PCDH15: variants seen among roughly 807,000 people sequenced by gnomAD.
PCDH15 encodes the protein protocadherin related 15.
In PCDH15, 129 loss-of-function variants were observed where a neutral mutation model predicts 178.5. The ratio of observed to expected loss-of-function variants is 0.72; its 90% CI spans 0.63 to 0.84. PCDH15 has a LOEUF of 0.84. PCDH15 is among the 40% of genes least tolerant of loss of function. The pLI is 0.00. For synonymous variants in PCDH15, 800 were observed against 732.0 expected, an observed-to-expected ratio of 1.09 and a Z score of -1.50; for missense variants, 2,230 against 2,099.9, an observed-to-expected ratio of 1.06 and a Z score of -1.21.
At chr10:54,504,049 C>G (rs1278577706) in intron 3 of PCDH15, among the ~76,000 whole-genome samples, 1 of 152,092 alleles carries the variant, frequency 6.6e-6, no homozygotes, top group Non-Finnish European at 1.5e-5. Context: ...TCACGTTTCT[C>G]TTGGACAGCT....
At chr10:54,764,737 G>A (rs1157880697) in intron 1 of PCDH15, among the ~76,000 whole-genome samples, 1 of 152,078 alleles carries the variant, frequency 6.6e-6, no homozygotes, top group African/African-American at 2.4e-5. Context: ...AGATGAAGAT[G>A]CCTTCTGAGT....
intron 2 of PCDH15, among the ~76,000 whole-genome samples, chr10:54,577,269 T>A (rs2090578126): frequency 6.9e-6 from 1 of 144,420 alleles, no homozygotes; most frequent in Non-Finnish European, 1.5e-5. Flanking sequence ...TTTTTTGTAA[T>A]TTTTAGTAGA....
chr10:54,227,365 C>T (rs2053568560), intron 9 of PCDH15, among the ~76,000 whole-genome samples: 1 of 152,360 alleles, frequency 6.6e-6, no homozygotes, highest in East Asian at 1.9e-4. Context: ...GGCTTACACC[C>T]TCTGAAGCAG....
intron 1 of PCDH15, among the ~76,000 whole-genome samples, chr10:54,700,632 G>A (rs528159451): frequency 1.3e-5 from 2 of 152,090 alleles, no homozygotes; most frequent in Non-Finnish European, 2.9e-5. Context: ...GTTAAGTCTG[G>A]TACTACAAAT....
At chr10:55,543,682 A>G (rs1841813733) in intron 2 of PCDH15, among the ~76,000 whole-genome samples, 1 of 151,396 alleles carries the variant, frequency 6.6e-6, no homozygotes, top group South Asian at 2.1e-4. Context: ...CAGGATGTTG[A>G]CATTTTACAG....
chr10:54,361,275 C>T (rs578071951), intron 5 of PCDH15, among the ~76,000 whole-genome samples: 33 of 151,982 alleles, frequency 2.2e-4, no homozygotes, highest in Non-Finnish European at 1.3e-4. Flanking sequence ...TTCGTGTTGT[C>T]CAAGGGTCAA....
At chr10:55,585,536 G>A (rs1183695817) in intron 2 of PCDH15, among the ~76,000 whole-genome samples, 5 of 152,026 alleles carry the variant, frequency 3.3e-5, no homozygotes, top group Non-Finnish European at 7.4e-5. Context: ...AATTAGTGGG[G>A]CATGGTGGCG....
intron 3 of PCDH15, among the ~76,000 whole-genome samples, chr10:54,393,619 A>C (rs937858025): frequency 2.7e-4 from 41 of 152,236 alleles, no homozygotes; most frequent in African/African-American, 9.6e-4. Context: ...CTTTTCAAAT[A>C]AAACTGAAAG....
chr10:54,935,851 G>A (rs1178219391), intron 2 of PCDH15, among the ~76,000 whole-genome samples: 1 of 151,554 alleles, frequency 6.6e-6, no homozygotes, highest in African/African-American at 2.4e-5. Context: ...CCCCCAAAAG[G>A]AATTTTTTTA....
At chr10:54,611,289 A>G (rs948071932) in intron 2 of PCDH15, among the ~76,000 whole-genome samples, 1 of 151,592 alleles carries the variant, frequency 6.6e-6, no homozygotes, top group African/African-American at 2.4e-5. Context: ...TTATTTTTTT[A>G]AAAAAAACCT....
intron 26 of PCDH15, among the ~76,000 whole-genome samples, chr10:53,889,046 C>T (rs914048232): frequency 2.6e-5 from 4 of 150,998 alleles, no homozygotes; most frequent in Non-Finnish European, 4.4e-5. Context: ...AAAATCTTGA[C>T]CTCCTACATC....
At position 53,844,849 on chromosome 10, in the gene PCDH15, T is replaced by C. The variant is rs2077872705; in HGVS notation, c.3807-4353A>G. Reference sequence around the variant, plus strand: ...GATTTTGTAAGACTCCAAAGAAATATAAATTTTCCAATGAAAGCAAAAATA... The same window carrying C: ...GATTTTGTAAGACTCCAAAGAAATACAAATTTTCCAATGAAAGCAAAAATA... On this transcript the variant is annotated intron_variant, in intron 28 of 37. Transcript: ENST00000644397. 2.6e-5 allele frequency among the ~76,000 whole-genome samples: 4 copies of C among 151,840 alleles called. No individual in the cohort carries two copies. The South Asian group carries it at 8.3e-4, about 31-fold the overall frequency.
intron 3 of PCDH15, among the ~76,000 whole-genome samples, chr10:54,411,753 A>T (rs900508274): frequency 1.4e-4 from 22 of 152,186 alleles, no homozygotes; most frequent in African/African-American, 5.3e-4. Context: ...CTATGTCTCC[A>T]GTAAACAAGA....
At chr10:55,577,502 C>T (rs751863882) in intron 2 of PCDH15, among the ~76,000 whole-genome samples, 1 of 152,038 alleles carries the variant, frequency 6.6e-6, no homozygotes, top group Non-Finnish European at 1.5e-5. Flanking sequence ...TTTATTCCAG[C>T]CCTACCCTCC....
intron 2 of PCDH15, among the ~76,000 whole-genome samples, chr10:55,486,449 T>A (rs972201218): frequency 7.1e-6 from 1 of 140,482 alleles, no homozygotes; most frequent in Admixed American, 7.4e-5. Flanking sequence ...GAAAATATAA[T>A]AATTTATATG....
chr10:55,134,186 G>A (rs1356098839), intron 2 of PCDH15, among the ~76,000 whole-genome samples: 1 of 151,996 alleles, frequency 6.6e-6, no homozygotes, highest in Admixed American at 6.6e-5. Flanking sequence ...TCCAGCTATA[G>A]GGGGAGCCTT....
At chr10:53,890,289 T>A (rs1435292119) in intron 26 of PCDH15, among the ~76,000 whole-genome samples, 2 of 152,052 alleles carry the variant, frequency 1.3e-5, no homozygotes, top group Non-Finnish European at 2.9e-5. Context: ...TAGCTAGACT[T>A]GGTGGCACAT....
intron 3 of PCDH15, among the ~76,000 whole-genome samples, chr10:54,821,664 C>G (rs1200925890): frequency 6.6e-6 from 1 of 152,046 alleles, no homozygotes; most frequent in African/African-American, 2.4e-5. Flanking sequence ...ATTAATATCT[C>G]TAGTGAGAAT....
chr10:54,881,977 T>C (rs566694860), intron 3 of PCDH15, among the ~76,000 whole-genome samples: 6 of 152,134 alleles, frequency 3.9e-5, no homozygotes, highest in African/African-American at 9.6e-5. Flanking sequence ...ATAAGTGCCA[T>C]GAGGGCAAAT....
Sources: gnomAD v4.1 joint callset for allele counts (sites outside exome capture counted in the v4.1 genomes callset) on GRCh38, gnomAD v4.1.1 for gene constraint, MANE v1.5 for transcripts, NCBI Gene and HGNC (gene_info 2026-07-23, HGNC 2026-07-21) for gene names.